The following ATIC variants were observed in gnomAD, a reference collection of about 807,000 sequenced individuals.
The protein encoded by ATIC is bifunctional purine biosynthesis protein ATIC.
Under a neutral mutation model 72.5 loss-of-function variants are expected in ATIC, and 64 were observed. The ratio of observed to expected loss-of-function variants is 0.88; its 90% confidence interval spans 0.72 to 1.09. ATIC has a LOEUF of 1.09. ATIC is among the 50% of genes least tolerant of loss of function. The probability of loss-of-function intolerance (pLI) is 0.00; values close to 1 mark genes in which losing one functional copy is unlikely to be tolerated. For missense variants in ATIC, 787 were observed against 732.4 expected (o/e 1.07, Z -0.86); for synonymous variants, 281 against 267.1 (o/e 1.05, Z -0.51).
intron 7 of ATIC, among the ~76,000 whole-genome samples, chr2:215,328,665 G>T (rs1459006505): frequency 6.6e-6 from 1 of 151,334 alleles, no homozygotes; most frequent in Non-Finnish European, 1.5e-5. Context: ...TTTGCTGCAT[G>T]TGTTTCTATT....
At chr2:215,361,701 G>T in the ATIC span, 1 of 1,197,132 alleles carries the variant, frequency 8.4e-7, no homozygotes, top group Non-Finnish European at 1.2e-6. Context: ...ATGCGGGGAG[G>T]TGGGGACTCA....
chr2:215,335,272 C>T (rs757900118), intron 10 of ATIC, among the ~76,000 whole-genome samples: 14 of 151,796 alleles, frequency 9.2e-5, no homozygotes, highest in Non-Finnish European at 1.9e-4. Flanking sequence ...GTCTTCATGC[C>T]AAAGTTACTG....
rs1478875796 is a variant in ATIC at position 215,344,885 on chromosome 2, T to C, written c.1320+14T>C. 6.2e-7 allele frequency: 1 copy of C among 1,610,108 alleles called. No homozygotes were observed. Among genetic ancestry groups the C allele is most frequent in the South Asian group, 1.1e-5 (1 of 90,934 alleles). ...AAGAACGGGCAGGTAAGTGGGCTGTTGGACTCGCCTTCGGGGGACTGTTGT... is the reference window on the plus strand; with the variant it reads ...AAGAACGGGCAGGTAAGTGGGCTGTCGGACTCGCCTTCGGGGGACTGTTGT... On this transcript the variant is annotated intron_variant, in intron 13 of 15. Coordinates refer to ENST00000236959, the MANE Select transcript of ATIC (RefSeq NM_004044.7).
chr2:215,355,476 C>T, the ATIC span, among the ~76,000 whole-genome samples: 1 of 152,150 alleles, frequency 6.6e-6, no homozygotes, highest in East Asian at 1.9e-4. Flanking sequence ...ATCCTCCATT[C>T]TTCCTCCCGT....
At chr2:215,347,010 TTAAC>T (rs2053079154) in intron 14 of ATIC, 69 bp downstream of exon 14, 3 of 1,545,270 alleles carry the variant, frequency 1.9e-6, no homozygotes, top group African/African-American at 1.4e-5. Context: ...GTAACAGATT[TTAAC>T]TTCATCACCA....
the ATIC span, chr2:215,365,122 A>G: frequency 5.5e-6 from 4 of 722,410 alleles, no homozygotes; most frequent in Non-Finnish European, 2.5e-6. Flanking sequence ...AATCATCCCT[A>G]AGAGCAGTAC....
chr2:215,312,754 C>T, intron 2 of ATIC, 130 bp downstream of exon 2: 2 of 1,408,104 alleles, frequency 1.4e-6, no homozygotes, highest in South Asian at 1.2e-5. Flanking sequence ...TGTAATACTT[C>T]CCCACTTTAT....
Position 215,321,915 on chromosome 2 carries a change from CT to C in ATIC, c.290+2192del, listed in dbSNP as rs550236851. Among the ~76,000 whole-genome samples, 777 of 151,848 alleles carry C rather than the reference CT, an allele frequency of 5.1e-3. 6 individuals carry two copies. Among genetic ancestry groups the C allele is most frequent in the African/African-American group, 0.018 (742 of 41,434 alleles). On this transcript the variant is annotated intron_variant, in intron 4 of 15. Coordinates refer to ENST00000236959, the MANE Select transcript of ATIC (RefSeq NM_004044.7). Reference sequence around the variant, plus strand: ...TTCCTTTGATCATCACAAGTTTTTTCTTTTTTTTGAGACGGAGTCTTACTCT... The same window carrying C: ...TTCCTTTGATCATCACAAGTTTTTTCTTTTTTTGAGACGGAGTCTTACTCT...
At chr2:215,345,002 A>C (rs2053058010) in intron 13 of ATIC, 131 bp downstream of exon 13, 1 of 993,752 alleles carries the variant, frequency 1.0e-6, no homozygotes, top group African/African-American at 1.6e-5. Context: ...TGTGTTTGTC[A>C]GTGTTTCCTC....
chr2:215,323,454 TTTC>T (rs1244460090), intron 4 of ATIC, among the ~76,000 whole-genome samples: 1 of 152,260 alleles, frequency 6.6e-6, no homozygotes, highest in Non-Finnish European at 1.5e-5. Flanking sequence ...GTGTCTTTAA[TTTC>T]TTTAACATTG....
intron 2 of ATIC, 135 bp downstream of exon 2, chr2:215,312,759 C>CT: frequency 7.3e-7 from 1 of 1,365,592 alleles, no homozygotes; most frequent in South Asian, 1.2e-5. Flanking sequence ...TACTTCCCCA[C>CT]TTTATGGGGA....
the ATIC span, chr2:215,365,103 AT>A: frequency 1.4e-6 from 1 of 736,142 alleles, no homozygotes. Flanking sequence ...AACACCACAT[AT>A]TTATGTGAAT....
At chr2:215,325,359 G>T (rs770578299) in intron 5 of ATIC, 30 bp downstream of exon 5, 2 of 1,490,344 alleles carry the variant, frequency 1.3e-6, no homozygotes, top group Admixed American at 1.7e-5. Context: ...TTAGAAGACT[G>T]AGAGGAGAGG....
At chr2:215,342,112 C>T (rs1204563862) in intron 12 of ATIC, among the ~76,000 whole-genome samples, 2 of 152,170 alleles carry the variant, frequency 1.3e-5, no homozygotes, top group African/African-American at 4.8e-5. Flanking sequence ...CCTGTTGACA[C>T]ATGGGGATTA....
At chr2:215,359,206 A>G in the ATIC span, among the ~76,000 whole-genome samples, 18 of 152,230 alleles carry the variant, frequency 1.2e-4, no homozygotes, top group African/African-American at 4.3e-4. Context: ...TTTAGGGTAA[A>G]TATTTTTAGG....
intron 7 of ATIC, among the ~76,000 whole-genome samples, chr2:215,330,141 G>A (rs1260660714): frequency 6.6e-6 from 1 of 152,178 alleles, no homozygotes; most frequent in East Asian, 1.9e-4. Context: ...CCATCTATGA[G>A]GAGTGGGAGG....
chr2:215,319,875 G>C (rs1040222301), intron 4 of ATIC, 144 bp downstream of exon 4: 8 of 721,642 alleles, frequency 1.1e-5, no homozygotes, highest in Non-Finnish European at 1.9e-5. Flanking sequence ...AAGCATTTTG[G>C]TTTGGCCAGA....
chr2:215,362,391 T>C, the ATIC span: 1 of 373,446 alleles, frequency 2.7e-6, no homozygotes, highest in Non-Finnish European at 5.0e-6. Flanking sequence ...ACAAGTTCTC[T>C]GCACTAGATG....
chr2:215,360,839 A>AT, the ATIC span: 1 of 152,674 alleles, frequency 6.5e-6, no homozygotes, highest in Non-Finnish European at 1.5e-5. Flanking sequence ...AAGGTGTCTT[A>AT]TATCAAATAG....
Sources: allele counts gnomAD v4.1 joint callset (sites outside exome capture counted in the v4.1 genomes callset), GRCh38; gene constraint gnomAD v4.1.1; transcripts MANE v1.5; gene names NCBI Gene and HGNC (gene_info 2026-07-23, HGNC 2026-07-21).